PCNT: variants seen among roughly 807,000 people sequenced by gnomAD.
PCNT encodes the protein kendrin.
Under a neutral mutation model 380.4 loss-of-function variants are expected in PCNT, and 319 were observed. The ratio of observed to expected loss-of-function variants is 0.84; its 90% CI spans 0.77 to 0.92. The LOEUF is 0.92. Among genes scored for constraint, PCNT ranks in the 40% least tolerant of loss-of-function variants. The probability of loss-of-function intolerance (pLI) is 0.00; values close to 1 mark genes in which losing one functional copy is unlikely to be tolerated. For synonymous variants in PCNT, 1,845 were observed against 1,735.2 expected, an observed-to-expected ratio of 1.06 and a Z score of -1.57; for missense variants, 4,400 against 4,255.3, an observed-to-expected ratio of 1.03 and a Z score of -0.95.
intron 35 of PCNT, 61 bp downstream of exon 35, chr21:46,428,651 A>C: frequency 5.0e-6 from 7 of 1,406,416 alleles, no homozygotes; most frequent in Non-Finnish European, 6.8e-6. Flanking sequence ...CCCGACACTC[A>C]CCTGTGTGGC....
At chr21:46,387,715 G>A (rs2085887330) in intron 17 of PCNT, among the ~76,000 whole-genome samples, 1 of 152,124 alleles carries the variant, frequency 6.6e-6, no homozygotes, top group African/African-American at 2.4e-5. Context: ...TCACCTCACG[G>A]TCCCCACGAA....
chr21:46,380,088 G>A (rs2085463723), intron 15 of PCNT, among the ~76,000 whole-genome samples: 1 of 151,258 alleles, frequency 6.6e-6, no homozygotes, highest in Non-Finnish European at 1.5e-5. Flanking sequence ...TCTACTGTGG[G>A]CAGTGCGGCT....
At chr21:46,325,087 G>A in intron 1 of PCNT, 1 of 985,514 alleles carries the variant, frequency 1.0e-6, no homozygotes, top group Middle Eastern at 5.2e-4. Context: ...AAAGCGCTCG[G>A]TTTGATGGCC....
chr21:46,381,647 T>C, intron 15 of PCNT, 47 bp from the exon 16 acceptor site: 1 of 1,570,320 alleles, frequency 6.4e-7, no homozygotes, highest in Non-Finnish European at 8.8e-7. Flanking sequence ...GCAAAGAAAG[T>C]ATTTTTCTAG....
chr21:46,340,405 C>T (rs1362246459), intron 3 of PCNT, among the ~76,000 whole-genome samples: 8 of 152,134 alleles, frequency 5.3e-5, no homozygotes, highest in African/African-American at 1.4e-4. Flanking sequence ...TGCTCTTGGC[C>T]GTAGGCTGGA....
At chr21:46,429,955 T>G in intron 35 of PCNT, 55 bp from the exon 36 acceptor site, 2 of 1,445,848 alleles carry the variant, frequency 1.4e-6, no homozygotes, top group Non-Finnish European at 9.7e-7. Flanking sequence ...CTGGTGTCAC[T>G]TGTGCAGCAC....
At chr21:46,355,744 C>A in intron 12 of PCNT, 118 bp downstream of exon 12, 1 of 994,992 alleles carries the variant, frequency 1.0e-6, no homozygotes, top group Non-Finnish European at 1.5e-6. Flanking sequence ...AGTGCTCCGA[C>A]CTCTTCTTCT....
rs551964364 is a variant in PCNT, at chr21:46,384,644, C to T, written c.3313-1188C>T. ...TGCATTCGTGGTGTGCATTCAGGGGCGGAAGTGCATTCACGGTATTGTGCA... is the reference window on the plus strand; with the variant it reads ...TGCATTCGTGGTGTGCATTCAGGGGTGGAAGTGCATTCACGGTATTGTGCA... On this transcript the variant is annotated intron_variant, in intron 16 of 46. Transcript: ENST00000359568. Among the ~76,000 whole-genome samples the T allele has an allele frequency of 1.0e-4, 15 of 145,076 alleles. 1 individual carries two copies. Among genetic ancestry groups the T allele is most frequent in the South Asian group, 7.1e-4 (3 of 4,250 alleles).
Position 46,431,556 on chromosome 21 carries a change from C to G in PCNT, c.8092C>G (p.Arg2698Gly). 6.2e-7 allele frequency: 1 copy of G among 1,614,068 alleles called. No individual in the cohort carries two copies. Among genetic ancestry groups the G allele is most frequent in the Non-Finnish European group, 8.5e-7 (1 of 1,179,970 alleles). ...EELRASLETQRAQSSRLCVAL... is the reference protein window; with the variant it reads ...EELRASLETQGAQSSRLCVAL... ...GCTGCGGGCGTCTTTGGAGACACAGCGTGCTCAGAGCAGTCGACTCTGCGT... is the reference window on the plus strand; with the variant it reads ...GCTGCGGGCGTCTTTGGAGACACAGGGTGCTCAGAGCAGTCGACTCTGCGT... Residue 2698 changes from arginine (R) to glycine (G), a missense_variant, in exon 38 of 47, where the codon CGT becomes GGT. By Grantham distance (125) the Arg-to-Gly change is moderately radical (BLOSUM62 -2). Coordinates refer to ENST00000359568, the MANE Select transcript of PCNT (RefSeq NM_006031.6).
intron 3 of PCNT, among the ~76,000 whole-genome samples, chr21:46,335,975 G>C (rs1044239514): frequency 6.6e-6 from 1 of 150,726 alleles, no homozygotes; most frequent in Non-Finnish European, 1.5e-5. Flanking sequence ...ACTGCACTTG[G>C]CCGGCAAATT....
rs72175446 is a variant in PCNT, at chr21:46,353,715, GGT to G, written c.1680-236_1680-235del. Among the ~76,000 whole-genome samples the G allele has an allele frequency of 0.042, 5,442 of 128,862 alleles. 121 individuals carry two copies. Among genetic ancestry groups the G allele is most frequent in the African/African-American group, 0.06 (2,118 of 35,112 alleles). The allele number at this position is 128,862 out of a possible 152,430, so 84.5% of individuals were successfully genotyped here. A position where few individuals can be genotyped will look rare whatever the true frequency, so the allele number is the denominator to read the frequency against. On this transcript the variant is annotated intron_variant, in intron 10 of 46. Coordinates refer to ENST00000359568, the MANE Select transcript of PCNT (RefSeq NM_006031.6). ...TTGGTGGCAGGGGCACTCTCCTCCA[GGT>G]GTGTGTGTGTGTGTGTGTGTGTGTG...
chr21:46,366,597 C>T lies in PCNT; in HGVS notation c.2623C>T (p.Arg875Cys). The stretch of plus-strand genomic sequence containing the variant: ...TTGTTGCCGCAGGTTTTTAGAGGAA[C>T]GTAAAGAGATCACCGAGAAATTCAG... ...MLARSRFLEERKEITEKFSAE... is the reference protein window; with the variant it reads ...MLARSRFLEECKEITEKFSAE... The change falls in exon 15 of 47, where the codon CGT becomes TGT. Residue 875 changes from arginine to cysteine, a missense_variant. By Grantham distance (180) the Arg-to-Cys change is radical. Transcript: ENST00000359568. 1.2e-6 allele frequency: 2 copies of T among 1,613,914 alleles called. No homozygotes were observed. The highest frequency in any genetic ancestry group is 1.7e-6 in the Non-Finnish European group (2 of 1,179,880).
At chr21:46,340,572 T>C (rs573215290) in intron 3 of PCNT, among the ~76,000 whole-genome samples, 8 of 152,362 alleles carry the variant, frequency 5.3e-5, no homozygotes, top group African/African-American at 1.7e-4. Flanking sequence ...ATTTTTTGTT[T>C]CCTAGAGATA....
intron 28 of PCNT, 21 bp downstream of exon 28, chr21:46,412,088 A>G (rs1242966719): frequency 1.3e-6 from 2 of 1,599,898 alleles, no homozygotes; most frequent in African/African-American, 1.3e-5. Context: ...CCCGCGGGCC[A>G]TGGCAGGGTA....
chr21:46,327,388 TTC>T (rs145556652), intron 2 of PCNT, among the ~76,000 whole-genome samples: 47,840 of 151,476 alleles, frequency 0.32, 8,049 homozygotes, highest in Admixed American at 0.41. Context: ...AATTTGGGTT[TTC>T]TTTTTCTTTT....
intron 31 of PCNT, among the ~76,000 whole-genome samples, chr21:46,418,874 G>A (rs538102420): frequency 4.5e-4 from 68 of 152,340 alleles, no homozygotes; most frequent in Admixed American, 2.7e-3. Flanking sequence ...ACCTCGTGGC[G>A]GGAGGTGCGT....
Position 46,324,257 on chromosome 21 carries a change from G to A in PCNT, c.29G>A (p.Arg10Lys), listed in dbSNP as rs749953818. 8 of 1,612,116 alleles carry A rather than the reference G, an allele frequency of 5.0e-6. No individual in the cohort carries two copies. In the East Asian group the frequency reaches 1.1e-4, roughly 22 times the overall value. ...GAAGTTGAGCAAGAGCAGCGGCGCA[G>A]AAAGGTGGAGGCCGGGAGGACGAAG... MEVEQEQRRRKVEAGRTKLA... is the reference protein window; with the variant it reads MEVEQEQRRKKVEAGRTKLA... The change falls in exon 1 of 47, where the codon AGA becomes AAA. Residue 10 changes from arginine (R) to lysine (K), a missense_variant. Coordinates refer to ENST00000359568, the MANE Select transcript of PCNT (RefSeq NM_006031.6).
intron 8 of PCNT, 144 bp downstream of exon 8, chr21:46,349,964 C>A: frequency 1.2e-6 from 1 of 852,624 alleles, no homozygotes. Context: ...TGGTTCACGC[C>A]TGTAACTCTA....
intron 21 of PCNT, among the ~76,000 whole-genome samples, chr21:46,396,927 G>A (rs532382746): frequency 1.3e-5 from 2 of 152,236 alleles, no homozygotes; most frequent in African/African-American, 2.4e-5. Context: ...ATTTACCGAT[G>A]GGGCGTTTGC....
Sources: allele counts gnomAD v4.1 joint callset (sites outside exome capture counted in the v4.1 genomes callset), GRCh38; gene constraint gnomAD v4.1.1; transcripts MANE v1.5; gene names NCBI Gene and HGNC (gene_info 2026-07-23, HGNC 2026-07-21).